The following DIO2 variants were observed in gnomAD, a reference collection of about 807,000 sequenced individuals.
DIO2 encodes type II iodothyronine deiodinase.
In DIO2, 19 loss-of-function variants were observed where a neutral mutation model predicts 21.4. The observed-to-expected ratio is 0.89, with a 90% confidence interval of 0.62 to 1.30. The LOEUF (loss-of-function observed/expected upper bound fraction) is 1.30. Ranked by LOEUF, DIO2 falls within the 50% of genes most tolerant of loss-of-function variation. The pLI is 0.00. For synonymous variants in DIO2, 122 were observed against 132.9 expected, an observed-to-expected ratio of 0.92 and a Z score of 0.57; for missense variants, 302 against 338.1, an observed-to-expected ratio of 0.89 and a Z score of 0.84.
chr14:80,199,360 T>C lies in DIO2; in HGVS notation c.*3329A>G, dbSNP rs1467971980. ...ACTGAACAGATCACTGGGAAGTTGA[T>C]ACTACCAAAAATCAAGGAGACGTGC... On this transcript the variant is annotated 3_prime_UTR_variant, in exon 2 of 2. Transcript: ENST00000438257. 1 of 152,198 alleles carries C rather than the reference T, an allele frequency of 6.6e-6. No homozygotes were observed. The highest frequency in any genetic ancestry group is 1.9e-4 in the East Asian group (1 of 5,198). 9.4% of individuals were successfully genotyped at this position (152,198 alleles called of 1,614,324 possible).
At position 80,211,440 on chromosome 14, in the gene DIO2, T is replaced by C. The variant is rs1054891379; in HGVS notation, c.33A>G (p.Thr11=). The C allele has an allele frequency of 1.2e-6, 2 of 1,612,026 alleles. No homozygotes were observed. Among genetic ancestry groups the C allele is most frequent in the Admixed American group, 1.7e-5 (1 of 59,826 alleles). The change falls in exon 1 of 2, where the codon ACA becomes ACG. Residue 11 remains threonine, a synonymous_variant. Transcript: ENST00000438257. MGILSVDLLI[T]LQILPVFFSN... is the part of the protein sequence containing the mutation. ...AGAAAAAAACTGGCAGAATTTGCAG[T>C]GTGATCAGCAAGTCTACGCTGAGGA... is the stretch of plus-strand genomic sequence containing the variant.
At chr14:80,218,882 G>A (rs1888407554) in intron 2 of DIO2, among the ~76,000 whole-genome samples, 1 of 152,136 alleles carries the variant, frequency 6.6e-6, no homozygotes, top group Non-Finnish European at 1.5e-5. Context: ...GGAGGCTGAG[G>A]CACGAGAATC....
chr14:80,206,569 T>C (rs1163710869), intron 1 of DIO2, among the ~76,000 whole-genome samples: 1 of 152,100 alleles, frequency 6.6e-6, no homozygotes, highest in Non-Finnish European at 1.5e-5. Context: ...GGAAGATTCT[T>C]TGCTCTCCCC....
intron 2 of DIO2, chr14:80,219,409 G>T (rs1304537503): frequency 5.3e-5 from 8 of 152,016 alleles, no homozygotes; most frequent in Admixed American, 5.2e-4. Context: ...AAAGACATGG[G>T]ATATGTGAGA....
intron 2 of DIO2, among the ~76,000 whole-genome samples, chr14:80,226,053 G>A (rs935474229): frequency 6.6e-6 from 1 of 152,256 alleles, no homozygotes; most frequent in Non-Finnish European, 1.5e-5. Context: ...TGGATCACTA[G>A]GGGTGATGGT....
chr14:80,227,084 G>A (rs1415451115), intron 2 of DIO2, among the ~76,000 whole-genome samples: 1 of 152,134 alleles, frequency 6.6e-6, no homozygotes, highest in Non-Finnish European at 1.5e-5. Flanking sequence ...CTACCTACTG[G>A]GAAGATTTCC....
chr14:80,205,286 G>A (rs1887903495), intron 1 of DIO2, among the ~76,000 whole-genome samples: 1 of 151,892 alleles, frequency 6.6e-6, no homozygotes, highest in African/African-American at 2.4e-5. Flanking sequence ...TTCTAGAAGG[G>A]GTGTTTTAAC....
chr14:80,229,829 A>G (rs571025592), intron 2 of DIO2, among the ~76,000 whole-genome samples: 2 of 152,252 alleles, frequency 1.3e-5, no homozygotes, highest in South Asian at 4.2e-4. Context: ...TCATACCATT[A>G]ATGTTCATTC....
Position 80,202,973 on chromosome 14 carries a change from A to C in DIO2, c.538T>G (p.Phe180Val). The change falls in exon 2 of 2, where the codon TTT (phenylalanine) becomes GTT (valine). Residue 180 changes from phenylalanine (F) to valine (V), a missense_variant. Coordinates refer to ENST00000438257, the MANE Select transcript of DIO2 (RefSeq NM_013989.5). ...WAIPGDSSLS[F>V]EVKKHQNQED... ...TGGTTCTGGTGCTTCTTCACCTCAAAAGACAAAGAGGAGTCCCCCGGTATC... is the reference window on the plus strand; with the variant it reads ...TGGTTCTGGTGCTTCTTCACCTCAACAGACAAAGAGGAGTCCCCCGGTATC... 1 of 1,613,982 alleles carries C rather than the reference A, an allele frequency of 6.2e-7. No individual in the cohort carries two copies. Among genetic ancestry groups the C allele is most frequent in the Non-Finnish European group, 8.5e-7 (1 of 1,179,882 alleles).
chr14:80,212,753 G>A (rs1372642306), upstream of DIO2, among the ~76,000 whole-genome samples: 1 of 151,232 alleles, frequency 6.6e-6, no homozygotes, highest in Non-Finnish European at 1.5e-5. Flanking sequence ...TGGAAAACTT[G>A]TAAACTATTT....
intron 1 of DIO2, chr14:80,205,718 A>C: frequency 1.5e-6 from 2 of 1,322,474 alleles, no homozygotes; most frequent in Non-Finnish European, 2.0e-6. Context: ...AATTTAGAGT[A>C]AGTACAACAC....
At chr14:80,204,696 A>G (rs1408811957) in intron 1 of DIO2, among the ~76,000 whole-genome samples, 3 of 152,366 alleles carry the variant, frequency 2.0e-5, no homozygotes, top group Middle Eastern at 3.4e-3. Context: ...ACAGCCACAC[A>G]TAATGCTACT....
intron 2 of DIO2, chr14:80,219,300 A>G (rs1158816665): frequency 1.3e-5 from 2 of 152,222 alleles, no homozygotes; most frequent in Non-Finnish European, 2.9e-5. Flanking sequence ...AATAGATGCT[A>G]AATATTAGAA....
chr14:80,214,382 C>T (rs374551861), upstream of DIO2, among the ~76,000 whole-genome samples: 1 of 152,184 alleles, frequency 6.6e-6, no homozygotes, highest in Non-Finnish European at 1.5e-5. Flanking sequence ...TCAGAAAAAC[C>T]TTTCTTTTAA....
intron 1 of DIO2, among the ~76,000 whole-genome samples, chr14:80,203,849 G>C (rs1263636232): frequency 1.3e-5 from 2 of 152,178 alleles, no homozygotes; most frequent in Non-Finnish European, 2.9e-5. Flanking sequence ...AAAACCTGAG[G>C]TCTACCACTT....
At chr14:80,217,927 A>G (rs1379386127) in intron 2 of DIO2, among the ~76,000 whole-genome samples, 1 of 152,212 alleles carries the variant, frequency 6.6e-6, no homozygotes, top group African/African-American at 2.4e-5. Context: ...GTGGACTTCA[A>G]TCATAAGTCA....
At chr14:80,225,096 T>C (rs879361996) in intron 2 of DIO2, among the ~76,000 whole-genome samples, 1 of 152,196 alleles carries the variant, frequency 6.6e-6, no homozygotes, top group African/African-American at 2.4e-5. Flanking sequence ...GCTGATTATA[T>C]GGTGCCCACC....
At chr14:80,230,727 G>A (rs1019814455) in intron 2 of DIO2, among the ~76,000 whole-genome samples, 2 of 152,016 alleles carry the variant, frequency 1.3e-5, no homozygotes, top group Non-Finnish European at 2.9e-5. Flanking sequence ...TAGCATTTTT[G>A]GTTATAATCA....
rs137973850 is a variant in DIO2 at position 80,227,875 on chromosome 14, G to A, written c.-277-11138C>T. 3.9e-3 allele frequency among the ~76,000 whole-genome samples: 589 copies of A among 152,290 alleles called. 6 individuals are homozygous for A. Among genetic ancestry groups the A allele is most frequent in the African/African-American group, 0.013 (535 of 41,554 alleles). On this transcript the variant is annotated intron_variant, in intron 2 of 4. Transcript: ENST00000553594. ...CAAAATCCAAATAGACCCACTAGGC[G>A]TTGTGCCTCTTTCTTGGTTGTAGGA...
Sources: gnomAD v4.1 joint callset for allele counts (sites outside exome capture counted in the v4.1 genomes callset) on GRCh38, gnomAD v4.1.1 for gene constraint, MANE v1.5 for transcripts, NCBI Gene and HGNC (gene_info 2026-07-23, HGNC 2026-07-21) for gene names.